CCDC149: variants seen among roughly 807,000 people sequenced by gnomAD.
CCDC149 encodes the protein coiled-coil domain containing 149.
In CCDC149, 45 loss-of-function variants were observed where a neutral mutation model predicts 59.9. The observed-to-expected ratio is 0.75, with a 90% CI of 0.59 to 0.96. CCDC149 has a LOEUF of 0.96. CCDC149 is among the 40% of genes least tolerant of loss of function. The pLI, the probability that CCDC149 is intolerant of heterozygous loss-of-function variation, is 0.00. For missense variants in CCDC149, 584 were observed against 664.7 expected (o/e 0.88, Z 1.33); for synonymous variants, 245 against 260.6 (o/e 0.94, Z 0.58).
intron 2 of CCDC149, among the ~76,000 whole-genome samples, chr4:24,874,891 C>A (rs575205976): frequency 4.6e-5 from 7 of 152,180 alleles, no homozygotes; most frequent in Non-Finnish European, 8.8e-5. Flanking sequence ...ATTTCAGTAT[C>A]ATTTGCATCT....
At chr4:24,946,827 T>G (rs1389828542) in intron 1 of CCDC149, among the ~76,000 whole-genome samples, 1 of 152,214 alleles carries the variant, frequency 6.6e-6, no homozygotes, top group African/African-American at 2.4e-5. Context: ...TAACTACAGA[T>G]GCACTTTTAG....
chr4:24,908,071 A>G (rs1721642008), intron 1 of CCDC149, among the ~76,000 whole-genome samples: 2 of 152,174 alleles, frequency 1.3e-5, no homozygotes, highest in Admixed American at 1.3e-4. Flanking sequence ...TGACCTCATC[A>G]TAACTTGATT....
chr4:24,924,147 T>C (rs59922986), intron 1 of CCDC149, among the ~76,000 whole-genome samples: 1,754 of 152,092 alleles, frequency 0.012, 32 homozygotes, highest in African/African-American at 0.04. Context: ...ATGTATTCTC[T>C]AGCTGGGTAG....
chr4:24,974,858 G>A (rs1276926007), intron 1 of CCDC149, among the ~76,000 whole-genome samples: 1 of 151,716 alleles, frequency 6.6e-6, no homozygotes, highest in Non-Finnish European at 1.5e-5. Flanking sequence ...AGAACCAGGA[G>A]AGGGAGTGAA....
chr4:24,883,496 AG>A (rs1219891282), intron 1 of CCDC149, among the ~76,000 whole-genome samples: 2 of 152,078 alleles, frequency 1.3e-5, no homozygotes, highest in Non-Finnish European at 1.5e-5. Context: ...AAAGCTTGAG[AG>A]ATTATGTTTG....
At chr4:24,830,975 A>G (rs1473886002) in intron 9 of CCDC149, 1 of 153,534 alleles carries the variant, frequency 6.5e-6, no homozygotes, top group Non-Finnish European at 1.4e-5. Flanking sequence ...TACACAACAT[A>G]GTCAACATGC....
intron 3 of CCDC149, among the ~76,000 whole-genome samples, chr4:24,856,462 A>C (rs944903784): frequency 2.0e-5 from 3 of 152,240 alleles, no homozygotes; most frequent in African/African-American, 7.2e-5. Context: ...TGTTGGAAGA[A>C]AGGGCCGCAG....
chr4:24,808,263 G>T lies in CCDC149; in HGVS notation c.*126C>A. On this transcript the variant is annotated 3_prime_UTR_variant, in exon 13 of 13. Coordinates refer to ENST00000635206, the MANE Select transcript of CCDC149 (RefSeq NM_001330643.2). ...ATTCACAGTTTGCAACAGGATCAGT[G>T]CGTTTTCTCACTTGCAGACTCGGAG... 1 of 794,306 alleles carries T rather than the reference G, an allele frequency of 1.3e-6. No individual in the cohort carries two copies. Among genetic ancestry groups the T allele is most frequent in the Non-Finnish European group, 1.9e-6 (1 of 538,610 alleles). 49.2% of individuals were successfully genotyped at this position (794,306 alleles called of 1,614,324 possible).
At chr4:24,962,957 G>A (rs1273810189) in intron 1 of CCDC149, among the ~76,000 whole-genome samples, 1 of 149,336 alleles carries the variant, frequency 6.7e-6, no homozygotes, top group Non-Finnish European at 1.5e-5. Flanking sequence ...GAATTTATCA[G>A]TTGTATACCT....
intron 1 of CCDC149, among the ~76,000 whole-genome samples, chr4:24,979,430 A>T (rs1359228830): frequency 6.6e-6 from 1 of 152,180 alleles, no homozygotes; most frequent in Admixed American, 6.5e-5. Flanking sequence ...AAGAGAGAAG[A>T]CATGGAGAGA....
chr4:24,937,256 T>C (rs891794341), intron 1 of CCDC149, among the ~76,000 whole-genome samples: 3 of 152,186 alleles, frequency 2.0e-5, no homozygotes, highest in Admixed American at 2.0e-4. Context: ...TACAGTGGTA[T>C]TCCTTTTGTA....
chr4:24,922,583 G>C (rs1722328060), intron 1 of CCDC149, among the ~76,000 whole-genome samples: 1 of 152,172 alleles, frequency 6.6e-6, no homozygotes, highest in African/African-American at 2.4e-5. Flanking sequence ...ACAATCAGTG[G>C]CTGGTATGTG....
chr4:24,906,927 T>C (rs1428618730), intron 1 of CCDC149, among the ~76,000 whole-genome samples: 2 of 152,074 alleles, frequency 1.3e-5, no homozygotes, highest in Non-Finnish European at 2.9e-5. Context: ...TAGGAGAGTG[T>C]GGGTAGACAA....
intron 4 of CCDC149, among the ~76,000 whole-genome samples, chr4:24,840,102 C>T (rs933524495): frequency 4.6e-5 from 7 of 152,172 alleles, no homozygotes; most frequent in Non-Finnish European, 5.9e-5. Context: ...TAATAAATAA[C>T]AGCAAGGAAC....
chr4:24,854,627 T>C (rs191135392), intron 3 of CCDC149, among the ~76,000 whole-genome samples: 1 of 152,346 alleles, frequency 6.6e-6, no homozygotes, highest in African/African-American at 2.4e-5. Flanking sequence ...ACTTCAATGC[T>C]AATACTTTGG....
At chr4:24,951,468 T>A (rs1723290877) in intron 1 of CCDC149, among the ~76,000 whole-genome samples, 1 of 152,084 alleles carries the variant, frequency 6.6e-6, no homozygotes. Context: ...AAAAATAATT[T>A]TAAAGTCATA....
chr4:24,970,764 T>C (rs1417637708), intron 1 of CCDC149, among the ~76,000 whole-genome samples: 1 of 152,126 alleles, frequency 6.6e-6, no homozygotes, highest in Non-Finnish European at 1.5e-5. Flanking sequence ...CCTGGCACTG[T>C]TCTCCCCATG....
chr4:24,874,469 C>A (rs1719283753), intron 2 of CCDC149, among the ~76,000 whole-genome samples: 1 of 151,788 alleles, frequency 6.6e-6, no homozygotes, highest in Admixed American at 6.6e-5. Flanking sequence ...GTAATCCCAG[C>A]TACTAGGGAG....
Position 24,858,883 on chromosome 4 carries a change from A to G in CCDC149, c.265-5704T>C, listed in dbSNP as rs145880606. 2.6e-3 allele frequency among the ~76,000 whole-genome samples: 394 copies of G among 152,296 alleles called. 4 individuals are homozygous for G. Among genetic ancestry groups the G allele is most frequent in the Non-Finnish European group, 4.0e-3 (270 of 68,018 alleles). On this transcript the variant is annotated intron_variant, in intron 3 of 12. Transcript: ENST00000635206. ...ATCCTCACCGAGGTAGGTTAGCCACATGGGAGAGGGCAGCTATCTTGCAGC... is the reference window on the plus strand; with the variant it reads ...ATCCTCACCGAGGTAGGTTAGCCACGTGGGAGAGGGCAGCTATCTTGCAGC...
Sources: allele counts gnomAD v4.1 joint callset (sites outside exome capture counted in the v4.1 genomes callset), GRCh38; gene constraint gnomAD v4.1.1; transcripts MANE v1.5; gene names NCBI Gene and HGNC (gene_info 2026-07-23, HGNC 2026-07-21).